BACE2: variants seen among roughly 807,000 people sequenced by gnomAD.
BACE2 encodes beta-secretase 2, also known as 56 kDa aspartic-like protease.
In BACE2, 17 loss-of-function variants were observed where a neutral mutation model predicts 46.2. The observed-to-expected ratio is 0.37, with a 90% CI of 0.25 to 0.55. The LOEUF (loss-of-function observed/expected upper bound fraction) is 0.55. Ranked by LOEUF, BACE2 falls within the 20% of genes least tolerant of loss-of-function variation. The pLI is 0.82. For missense variants in BACE2, 595 were observed against 698.1 expected (o/e 0.85, Z 1.66); for synonymous variants, 277 against 295.9 (o/e 0.94, Z 0.66).
chr21:41,275,755 G>C lies in BACE2; in HGVS notation c.*131G>C. 9.4e-7 allele frequency: 1 copy of C among 1,062,026 alleles called. No homozygotes were observed. 65.8% of individuals were successfully genotyped at this position (1,062,026 alleles called of 1,614,324 possible). A position where few individuals can be genotyped will look rare whatever the true frequency, so the allele number is the denominator to read the frequency against. On this transcript the variant is annotated 3_prime_UTR_variant, in exon 9 of 9. Coordinates refer to ENST00000330333, the MANE Select transcript of BACE2 (RefSeq NM_012105.5). ...GTCTTCAATCTCTGTTCTGCTCCCA[G>C]ATGCCTTCTAGATTCACTGTCTTTT...
Position 41,182,736 on chromosome 21 carries a change from A to G in BACE2, c.312+14161A>G, listed in dbSNP as rs550481546. 1.8e-5 allele frequency: 3 copies of G among 167,216 alleles called. No homozygotes were observed. In the South Asian group the frequency reaches 6.2e-4, roughly 35 times the overall value. The allele number at this position is 167,216 out of a possible 1,614,324, so 10.4% of individuals were successfully genotyped here. A position where few individuals can be genotyped will look rare whatever the true frequency, so the allele number is the denominator to read the frequency against. ...CAGATGACTTACACAGACCATCTACAACATAGCTGAATTTCCTGACATGTT... is the reference window on the plus strand; with the variant it reads ...CAGATGACTTACACAGACCATCTACGACATAGCTGAATTTCCTGACATGTT... On this transcript the variant is annotated intron_variant, in intron 1 of 8. Coordinates refer to ENST00000330333, the MANE Select transcript of BACE2 (RefSeq NM_012105.5).
intron 1 of BACE2, among the ~76,000 whole-genome samples, chr21:41,223,489 A>G (rs1986718770): frequency 6.6e-6 from 1 of 152,176 alleles, no homozygotes; most frequent in South Asian, 2.1e-4. Flanking sequence ...GCCCCTGGCC[A>G]TGGTTGTCAG....
At chr21:41,209,675 GC>G (rs1251645453) in intron 1 of BACE2, among the ~76,000 whole-genome samples, 2 of 152,130 alleles carry the variant, frequency 1.3e-5, no homozygotes, top group Non-Finnish European at 2.9e-5. Context: ...GGGGGCTGAG[GC>G]TCAGAGAGGG....
Position 41,237,527 on chromosome 21 carries a change from G to T in BACE2, c.416G>T (p.Arg139Leu). The change falls in exon 3 of 9, where the codon CGC (arginine) becomes CTC (leucine). Residue 139 changes from arginine (R) to leucine (L), a missense_variant. Physicochemically the swap from Arg to Leu is moderately radical, Grantham distance 102. Transcript: ENST00000330333. The stretch of plus-strand genomic sequence containing the variant: ...TCTTTCTCCAGGTCTAGCACATACC[G>T]CTCCAAGGGCTTTGACGTCACAGTG... ...YFDTERSSTYRSKGFDVTVKY... is the reference protein window; with the variant it reads ...YFDTERSSTYLSKGFDVTVKY... 1 of 1,613,918 alleles carries T rather than the reference G, an allele frequency of 6.2e-7. No individual in the cohort carries two copies. Among genetic ancestry groups the T allele is most frequent in the Non-Finnish European group, 8.5e-7 (1 of 1,179,830 alleles).
intron 1 of BACE2, among the ~76,000 whole-genome samples, chr21:41,205,712 A>G (rs950482712): frequency 3.3e-5 from 5 of 152,206 alleles, no homozygotes; most frequent in Non-Finnish European, 2.9e-5. Flanking sequence ...AAAACCTCAC[A>G]TGAATTGTCT....
At chr21:41,243,259 G>A (rs759427132) in intron 4 of BACE2, 117 bp from the exon 5 acceptor site, 45 of 828,072 alleles carry the variant, frequency 5.4e-5, no homozygotes, top group Non-Finnish European at 6.9e-5. Context: ...ACATTGTCAC[G>A]AAGTAGAAGC....
At chr21:41,233,992 G>A (rs1232026756) in intron 2 of BACE2, among the ~76,000 whole-genome samples, 1 of 152,122 alleles carries the variant, frequency 6.6e-6, no homozygotes, top group African/African-American at 2.4e-5. Context: ...TACCAGACCA[G>A]GTAGTATGGT....
chr21:41,247,958 T>G (rs987360312), intron 6 of BACE2, among the ~76,000 whole-genome samples: 1 of 152,026 alleles, frequency 6.6e-6, no homozygotes, highest in East Asian at 1.9e-4. Context: ...TTCCTTCTGG[T>G]TAAGGGGAGG....
chr21:41,191,017 A>C (rs1985551783), intron 1 of BACE2, among the ~76,000 whole-genome samples: 2 of 152,182 alleles, frequency 1.3e-5, no homozygotes, highest in Admixed American at 1.3e-4. Flanking sequence ...ACTTAATGTC[A>C]TGGGAACAGG....
At chr21:41,249,649 A>G (rs1036465862) in intron 6 of BACE2, among the ~76,000 whole-genome samples, 4 of 152,238 alleles carry the variant, frequency 2.6e-5, no homozygotes, top group East Asian at 3.9e-4. Context: ...TTGGCCCTCC[A>G]GCCCAGCTCC....
chr21:41,241,835 A>T lies in BACE2; in HGVS notation c.635A>T (p.Glu212Val). ...ATLAKPSSSL[E>V]TFFDSLVTQA... Reference sequence around the variant, plus strand: ...CTCCCGCAGCCATCAAGTTCTCTGGAGACCTTCTTCGACTCCCTGGTGACA... The same window carrying T: ...CTCCCGCAGCCATCAAGTTCTCTGGTGACCTTCTTCGACTCCCTGGTGACA... Residue 212 changes from glutamate to valine, a missense_variant, in exon 4 of 9, where the codon GAG becomes GTG. Transcript: ENST00000330333. 1 of 1,614,172 alleles carries T rather than the reference A, an allele frequency of 6.2e-7. No homozygotes were observed. Among genetic ancestry groups the T allele is most frequent in the Non-Finnish European group, 8.5e-7 (1 of 1,180,020 alleles).
Position 41,279,365 on chromosome 21 carries a change from G to A in BACE2, c.*3741G>A, listed in dbSNP as rs1718949997. On this transcript the variant is annotated 3_prime_UTR_variant, in exon 9 of 9. Transcript: ENST00000330333. ...AATCCCAGCACTTTGGGAGGCCGAGGCAGGTGGATCACCTGAGGTCAGGAG... is the reference window on the plus strand; with the variant it reads ...AATCCCAGCACTTTGGGAGGCCGAGACAGGTGGATCACCTGAGGTCAGGAG... The A allele has an allele frequency of 6.6e-6, 1 of 152,200 alleles. No homozygotes were observed. Among genetic ancestry groups the A allele is most frequent in the African/African-American group, 2.4e-5 (1 of 41,442 alleles). 9.4% of individuals were successfully genotyped at this position (152,200 alleles called of 1,614,324 possible).
chr21:41,188,909 T>G (rs566098081), intron 1 of BACE2, among the ~76,000 whole-genome samples: 3 of 152,314 alleles, frequency 2.0e-5, no homozygotes, highest in African/African-American at 7.2e-5. Flanking sequence ...CAATGGCACA[T>G]TGGTTACCGT....
At chr21:41,208,682 G>C (rs1986206745) in intron 1 of BACE2, among the ~76,000 whole-genome samples, 1 of 152,122 alleles carries the variant, frequency 6.6e-6, no homozygotes. Flanking sequence ...AAGGGTATGA[G>C]GGCTCAGGGG....
At chr21:41,217,855 C>T (rs1367271550) in intron 1 of BACE2, among the ~76,000 whole-genome samples, 1 of 152,196 alleles carries the variant, frequency 6.6e-6, no homozygotes, top group Non-Finnish European at 1.5e-5. Context: ...GAGTGGGAGG[C>T]CTGGGGACAC....
At chr21:41,189,643 G>T (rs1251932520) in intron 1 of BACE2, among the ~76,000 whole-genome samples, 1 of 152,100 alleles carries the variant, frequency 6.6e-6, no homozygotes, top group East Asian at 1.9e-4. Context: ...ATGATTATTG[G>T]CTGTCTGTTC....
rs916177028 is a variant in BACE2 at position 41,275,949 on chromosome 21, C to T, written c.*325C>T. The T allele has an allele frequency of 8.0e-5, 24 of 298,472 alleles. No homozygotes were observed. Among genetic ancestry groups the T allele is most frequent in the South Asian group, 7.2e-4 (12 of 16,676 alleles). 18.5% of individuals were successfully genotyped at this position (298,472 alleles called of 1,614,324 possible). On this transcript the variant is annotated 3_prime_UTR_variant, in exon 9 of 9. Coordinates refer to ENST00000330333, the MANE Select transcript of BACE2 (RefSeq NM_012105.5). ...AACATAAAACAAAACCAAGCCTTGG[C>T]TCGTTCTCTTCTCTCTTCAATCTCT...
At chr21:41,249,749 C>T (rs1376972186) in intron 6 of BACE2, among the ~76,000 whole-genome samples, 1 of 152,204 alleles carries the variant, frequency 6.6e-6, no homozygotes, top group Non-Finnish European at 1.5e-5. Flanking sequence ...GGGACCCTGC[C>T]CTGGATGTGC....
At chr21:41,194,636 C>A (rs1295918976) in intron 1 of BACE2, among the ~76,000 whole-genome samples, 1 of 152,174 alleles carries the variant, frequency 6.6e-6, no homozygotes, top group Non-Finnish European at 1.5e-5. Flanking sequence ...GGAGAGAGGT[C>A]AGGGAACAGC....
Sources: gnomAD v4.1 joint callset for allele counts (sites outside exome capture counted in the v4.1 genomes callset) on GRCh38, gnomAD v4.1.1 for gene constraint, MANE v1.5 for transcripts, NCBI Gene and HGNC (gene_info 2026-07-23, HGNC 2026-07-21) for gene names.